PTPRD: variants seen among roughly 807,000 people sequenced by gnomAD.
PTPRD encodes receptor-type tyrosine-protein phosphatase delta.
In PTPRD, 34 loss-of-function variants were observed where a neutral mutation model predicts 214.5. The observed-to-expected ratio is 0.16, with a 90% CI of 0.12 to 0.21. The LOEUF (loss-of-function observed/expected upper bound fraction) is 0.21. Ranked by LOEUF, PTPRD falls within the 10% of genes least tolerant of loss-of-function variation. The probability of loss-of-function intolerance (pLI) is 1.00; values close to 1 mark genes in which losing one functional copy is unlikely to be tolerated. For missense variants in PTPRD, 2,545 were observed against 2,398.7 expected, an observed-to-expected ratio of 1.06 and a Z score of -1.27; for synonymous variants, 1,128 against 845.7, an observed-to-expected ratio of 1.33 and a Z score of -5.79.
At chr9:8,565,405 A>G (rs2088592034) in intron 14 of PTPRD, among the ~76,000 whole-genome samples, 1 of 152,226 alleles carries the variant, frequency 6.6e-6, no homozygotes, top group East Asian at 1.9e-4. Context: ...CACAGAAAGG[A>G]TAACATTCAT....
At chr9:9,829,955 ATAGAG>A (rs1198705302) in intron 5 of PTPRD, among the ~76,000 whole-genome samples, 1 of 151,812 alleles carries the variant, frequency 6.6e-6, no homozygotes, top group Non-Finnish European at 1.5e-5. Flanking sequence ...AGTGCTTACA[ATAGAG>A]TAGACTTTCT....
At chr9:9,062,928 C>A (rs544456761) in intron 10 of PTPRD, among the ~76,000 whole-genome samples, 1 of 152,148 alleles carries the variant, frequency 6.6e-6, no homozygotes, top group South Asian at 2.1e-4. Context: ...TGATCACTTG[C>A]CAGAAAGTAT....
intron 4 of PTPRD, among the ~76,000 whole-genome samples, chr9:9,963,194 TA>T (rs1337187290): frequency 6.6e-6 from 1 of 152,042 alleles, no homozygotes; most frequent in Non-Finnish European, 1.5e-5. Context: ...TACTGAGATT[TA>T]AAAAATCCTT....
intron 8 of PTPRD, among the ~76,000 whole-genome samples, chr9:9,475,981 C>T (rs749281063): frequency 5.9e-5 from 9 of 151,932 alleles, no homozygotes; most frequent in Non-Finnish European, 1.3e-4. Flanking sequence ...TAGAACTCCA[C>T]TACATTAAAA....
chr9:9,730,849 T>G (rs1274001558), intron 7 of PTPRD, among the ~76,000 whole-genome samples: 1 of 152,118 alleles, frequency 6.6e-6, no homozygotes, highest in Non-Finnish European at 1.5e-5. Context: ...AATACACAGA[T>G]AAAGCACCTA....
intron 9 of PTPRD, among the ~76,000 whole-genome samples, chr9:9,382,873 A>G (rs1444796965): frequency 6.6e-6 from 1 of 152,136 alleles, no homozygotes; most frequent in Non-Finnish European, 1.5e-5. Flanking sequence ...AGAACGATTC[A>G]CAATAGCCAA....
intron 3 of PTPRD, among the ~76,000 whole-genome samples, chr9:10,339,771 T>C (rs2096906062): frequency 1.3e-5 from 2 of 151,702 alleles, no homozygotes; most frequent in Non-Finnish European, 1.5e-5. Context: ...ACTCCCCACA[T>C]TGCTCTGATG....
chr9:9,879,900 G>T (rs1268414061), intron 5 of PTPRD, among the ~76,000 whole-genome samples: 1 of 152,144 alleles, frequency 6.6e-6, no homozygotes, highest in African/African-American at 2.4e-5. Context: ...GTATTGCCAA[G>T]AAAATTATAT....
At chr9:8,333,866 G>A (rs986589984) in intron 43 of PTPRD, among the ~76,000 whole-genome samples, 2 of 151,902 alleles carry the variant, frequency 1.3e-5, no homozygotes, top group African/African-American at 4.8e-5. Context: ...AAAAAAAAGA[G>A]CAGGGGTTGC....
chr9:9,661,837 A>G (rs1443348973), intron 7 of PTPRD, among the ~76,000 whole-genome samples: 1 of 151,726 alleles, frequency 6.6e-6, no homozygotes, highest in Non-Finnish European at 1.5e-5. Context: ...CCTTGTGTAA[A>G]TAAGGAGATT....
At chr9:9,143,528 T>C (rs2099863680) in intron 10 of PTPRD, among the ~76,000 whole-genome samples, 1 of 152,196 alleles carries the variant, frequency 6.6e-6, no homozygotes, top group South Asian at 2.1e-4. Flanking sequence ...TGAAAATCAT[T>C]GATGGTAATG....
chr9:9,641,661 T>C (rs1278916352), intron 7 of PTPRD, among the ~76,000 whole-genome samples: 3 of 152,334 alleles, frequency 2.0e-5, no homozygotes, highest in African/African-American at 7.2e-5. Context: ...AGGCCTTTTC[T>C]GGACCTTAAA....
intron 7 of PTPRD, among the ~76,000 whole-genome samples, chr9:9,636,253 T>G (rs763363430): frequency 6.6e-6 from 1 of 152,240 alleles, no homozygotes; most frequent in African/African-American, 2.4e-5. Context: ...TGTATTTCCA[T>G]GGTACAGACT....
At chr9:9,402,786 A>ATTAG (rs2071225040) in intron 8 of PTPRD, among the ~76,000 whole-genome samples, 1 of 151,890 alleles carries the variant, frequency 6.6e-6, no homozygotes, top group African/African-American at 2.4e-5. Flanking sequence ...AAATGAAATA[A>ATTAG]TTGAAACTGA....
At chr9:9,917,182 A>G (rs1346140753) in intron 5 of PTPRD, among the ~76,000 whole-genome samples, 6 of 151,072 alleles carry the variant, frequency 4.0e-5, no homozygotes, top group Admixed American at 4.0e-4. Flanking sequence ...AATTAGTAGC[A>G]AGGAAGAATA....
intron 2 of PTPRD, among the ~76,000 whole-genome samples, chr9:10,418,293 G>T (rs1366231310): frequency 6.6e-6 from 1 of 151,774 alleles, no homozygotes; most frequent in African/African-American, 2.4e-5. Context: ...TTTAAACACT[G>T]TCTATAAATG....
intron 9 of PTPRD, among the ~76,000 whole-genome samples, chr9:9,362,783 G>C (rs1054988213): frequency 2.0e-5 from 3 of 151,268 alleles, no homozygotes; most frequent in Admixed American, 6.6e-5. Flanking sequence ...TGTGTTGATA[G>C]TTAGCAGGCT....
chr9:8,749,139 A>C (rs1036690292), intron 11 of PTPRD, among the ~76,000 whole-genome samples: 1 of 152,164 alleles, frequency 6.6e-6, no homozygotes, highest in Admixed American at 6.5e-5. Flanking sequence ...AGGCCATATA[A>C]ATAATTAGGG....
chr9:9,314,261 T>G (rs532414024), intron 9 of PTPRD, among the ~76,000 whole-genome samples: 1 of 152,252 alleles, frequency 6.6e-6, no homozygotes, highest in Admixed American at 6.5e-5. Flanking sequence ...ATAGTAAGAT[T>G]CCATTATTTT....
Sources: allele counts gnomAD v4.1 joint callset (sites outside exome capture counted in the v4.1 genomes callset), GRCh38; gene constraint gnomAD v4.1.1; transcripts MANE v1.5; gene names NCBI Gene and HGNC (gene_info 2026-07-23, HGNC 2026-07-21).